NUP205: variants seen among roughly 807,000 people sequenced by gnomAD.
NUP205 encodes nucleoporin 205.
NUP205 carries 76 observed loss-of-function variants against 253.8 expected under a neutral mutation model. The observed-to-expected ratio is 0.30, with a 90% CI of 0.25 to 0.36. The LOEUF (loss-of-function observed/expected upper bound fraction) is 0.36, where lower values mean the gene tolerates loss of function less well. Among genes scored for constraint, NUP205 ranks in the 10% least tolerant of loss-of-function variants. The pLI is 1.00. For missense variants in NUP205, 2,162 were observed against 2,425.5 expected, an observed-to-expected ratio of 0.89 and a Z score of 2.28; for synonymous variants, 832 against 850.1, an observed-to-expected ratio of 0.98 and a Z score of 0.37.
rs1390620343 is a variant in NUP205 at position 135,576,396 on chromosome 7, C to G, written c.470C>G (p.Thr157Arg). The part of the protein sequence containing the change: ...KALIQSRRGK[T>R]WTLELSPELA... ...TTGATACAGTCTAGACGGGGAAAGA[C>G]ATGGACCCTAGAACTCAGGTCTTTT... is the stretch of plus-strand genomic sequence containing the variant. Residue 157 changes from threonine to arginine, a missense_variant, in exon 4 of 43, where the codon ACA becomes AGA. By Grantham distance (71) the Thr-to-Arg change is moderately conservative. Transcript: ENST00000285968. The G allele has an allele frequency of 2.5e-6, 4 of 1,613,050 alleles. No homozygotes were observed. Among genetic ancestry groups the G allele is most frequent in the Non-Finnish European group, 2.5e-6 (3 of 1,179,568 alleles).
intron 1 of NUP205, among the ~76,000 whole-genome samples, chr7:135,566,779 C>T (rs1204808560): frequency 6.6e-6 from 1 of 151,868 alleles, no homozygotes; most frequent in Admixed American, 6.6e-5. Flanking sequence ...GCTCTGTTGC[C>T]CAGGCTGAAG....
Position 135,573,703 on chromosome 7 carries a change from G to C in NUP205, c.221G>C (p.Gly74Ala). The C allele has an allele frequency of 4.3e-6, 7 of 1,614,002 alleles. No homozygotes were observed. The highest frequency in any genetic ancestry group is 5.9e-6 in the Non-Finnish European group (7 of 1,179,958). ...AAGGTTCAGAAAGCCAGTACAGAGG[G>C]AGTCGCCATTCAGGGTCAACAGGGA... Reference protein sequence around the residue: ...HEKVQKASTEGVAIQGQQGTR... With the variant: ...HEKVQKASTEAVAIQGQQGTR... The change falls in exon 3 of 43, where the codon GGA becomes GCA. Residue 74 changes from glycine to alanine, a missense_variant. Coordinates refer to ENST00000285968, the MANE Select transcript of NUP205 (RefSeq NM_015135.3).
At chr7:135,605,288 A>G (rs1317006416) in intron 19 of NUP205, among the ~76,000 whole-genome samples, 2 of 152,140 alleles carry the variant, frequency 1.3e-5, no homozygotes, top group Non-Finnish European at 2.9e-5. Flanking sequence ...AAGTGCTAGG[A>G]TTACAGGCCT....
rs1446258009 is a variant in NUP205, at chr7:135,597,407, A to G, written c.2053A>G (p.Ile685Val). The part of the protein sequence containing the change: ...TVRIPSQRQA[I>V]GIEVELNEIE... ...GAGGATTCCAAGCCAAAGGCAAGCTATTGGTATTGAGGTAAAGTTTTCCTT... is the reference window on the plus strand; with the variant it reads ...GAGGATTCCAAGCCAAAGGCAAGCTGTTGGTATTGAGGTAAAGTTTTCCTT... Residue 685 changes from isoleucine (I) to valine (V), a missense_variant, in exon 14 of 43, where the codon ATT becomes GTT. Physicochemically the swap from Ile to Val is conservative, Grantham distance 29 (BLOSUM62 3). This residue lies in a region of NUP205 where 892 missense variants were observed against 957.1 expected (regional missense o/e 0.93). Transcript: ENST00000285968. 5.6e-6 allele frequency: 9 copies of G among 1,607,532 alleles called. No individual in the cohort carries two copies. Among genetic ancestry groups the G allele is most frequent in the South Asian group, 4.4e-5 (4 of 90,954 alleles).
At chr7:135,566,946 C>T (rs1366790429) in intron 1 of NUP205, among the ~76,000 whole-genome samples, 1 of 151,080 alleles carries the variant, frequency 6.6e-6, no homozygotes, top group East Asian at 2.0e-4. Context: ...CCATATTGGC[C>T]AGGTGGCTGG....
intron 7 of NUP205, among the ~76,000 whole-genome samples, chr7:135,581,742 G>A (rs142356669): frequency 0.034 from 5,140 of 151,068 alleles, 118 homozygotes; most frequent in Middle Eastern, 0.1. Flanking sequence ...AATCCCAGCT[G>A]CTTGGGAGAC....
intron 23 of NUP205, among the ~76,000 whole-genome samples, chr7:135,615,402 AAAAT>A (rs1794334487): frequency 6.6e-6 from 1 of 152,190 alleles, no homozygotes; most frequent in Admixed American, 6.5e-5. Context: ...TCTACAATAA[AAAAT>A]AAATAAATAA....
At chr7:135,630,960 CTTA>C (rs1196099533) in intron 35 of NUP205, among the ~76,000 whole-genome samples, 2 of 150,674 alleles carry the variant, frequency 1.3e-5, no homozygotes, top group Admixed American at 6.6e-5. Context: ...AAGATATAGG[CTTA>C]TTATAAAAAT....
chr7:135,613,330 A>G (rs1250098661), intron 22 of NUP205, among the ~76,000 whole-genome samples: 2 of 151,580 alleles, frequency 1.3e-5, no homozygotes, highest in African/African-American at 4.8e-5. Flanking sequence ...CTTATATTTA[A>G]TATAAGAACT....
intron 20 of NUP205, 113 bp from the exon 21 acceptor site, chr7:135,606,638 A>C (rs536424509): frequency 1.9e-5 from 14 of 753,660 alleles, no homozygotes; most frequent in Middle Eastern, 3.7e-4. Context: ...ATAGATAATC[A>C]GGCAAACGAT....
intron 31 of NUP205, 152 bp from the exon 32 acceptor site, chr7:135,625,012 A>G: frequency 1.5e-6 from 1 of 670,294 alleles, no homozygotes; most frequent in South Asian, 2.1e-5. Flanking sequence ...TAACTTCTCA[A>G]AAAAAAATAA....
In NUP205 at chr7:135,592,916, A is replaced by G. The variant is rs117136012; in HGVS notation, c.1625-71A>G. On this transcript the variant is annotated intron_variant, in intron 11 of 42. Transcript: ENST00000285968. ...GAAAAAAGTATATTGTTTTAAATTAATTTTCTCTCCATTTCCCAGCAAATG... is the reference window on the plus strand; with the variant it reads ...GAAAAAAGTATATTGTTTTAAATTAGTTTTCTCTCCATTTCCCAGCAAATG... 0.021 allele frequency: 23,882 copies of G among 1,141,352 alleles called. 356 individuals are homozygous for G. The highest frequency in any genetic ancestry group is 0.026 in the Non-Finnish European group (20,300 of 771,452). The allele number at this position is 1,141,352 out of a possible 1,614,324, so 70.7% of individuals were successfully genotyped here. A position where few individuals can be genotyped will look rare whatever the true frequency, so the allele number is the denominator to read the frequency against.
At chr7:135,593,253 C>A in intron 12 of NUP205, 61 bp downstream of exon 12, 1 of 1,382,784 alleles carries the variant, frequency 7.2e-7, no homozygotes, top group Non-Finnish European at 1.0e-6. Context: ...ATTTTAAGAG[C>A]CCCAAACATT....
intron 1 of NUP205, among the ~76,000 whole-genome samples, chr7:135,569,779 A>G (rs1584637213): frequency 1.3e-5 from 2 of 151,998 alleles, no homozygotes; most frequent in African/African-American, 4.8e-5. Flanking sequence ...TTATAAAAGT[A>G]TTCTGTATTT....
chr7:135,609,082 C>T (rs528257346), intron 22 of NUP205, among the ~76,000 whole-genome samples: 2 of 93,212 alleles, frequency 2.1e-5, no homozygotes, highest in East Asian at 5.8e-4. Flanking sequence ...CCAGCCTGGG[C>T]AACAAGAGCA....
rs1390669765 is a variant in NUP205 at position 135,627,955 on chromosome 7, T to C, written c.4794-18T>C. 1 of 1,612,254 alleles carries C rather than the reference T, an allele frequency of 6.2e-7. No individual in the cohort carries two copies. Among genetic ancestry groups the C allele is most frequent in the South Asian group, 1.1e-5 (1 of 90,944 alleles). Reference sequence around the variant, plus strand: ...CCTTAATTCTTGGAATGTTTTCTCCTTGTTTGGTTGAAATAAGCATGTTTG... The same window carrying C: ...CCTTAATTCTTGGAATGTTTTCTCCCTGTTTGGTTGAAATAAGCATGTTTG... On this transcript the variant is annotated intron_variant, in intron 33 of 42. Transcript: ENST00000285968.
Position 135,601,488 on chromosome 7 carries a change from C to T in NUP205, c.2493C>T (p.Asp831=). 6.2e-7 allele frequency: 1 copy of T among 1,613,492 alleles called. No homozygotes were observed. Among genetic ancestry groups the T allele is most frequent in the Non-Finnish European group, 8.5e-7 (1 of 1,179,760 alleles). ...SLLEEGVKQL[D]TYAPFPGKKH... is the part of the protein sequence containing the mutation. ...TGGAAGAAGGAGTTAAGCAGCTTGA[C>T]ACCTATGCCCCCTTTCCTGGTATAT... is the stretch of plus-strand genomic sequence containing the variant. Residue 831 remains aspartate, a synonymous_variant, in exon 17 of 43, where the codon GAC becomes GAT. Transcript: ENST00000285968.
At position 135,615,927 on chromosome 7, in the gene NUP205, T is replaced by A; in HGVS notation, c.3322T>A (p.Ser1108Thr). The change falls in exon 24 of 43, where the codon TCT becomes ACT. Residue 1108 changes from serine (S) to threonine (T), a missense_variant. Transcript: ENST00000285968. Reference protein sequence around the residue: ...LPFSNKEYEISMLNQMSWLMK... With the variant: ...LPFSNKEYEITMLNQMSWLMK... Reference sequence around the variant, plus strand: ...TGTTTAAATTCTAGAATATGAAATATCTATGCTGAACCAGATGTCATGGCT... The same window carrying A: ...TGTTTAAATTCTAGAATATGAAATAACTATGCTGAACCAGATGTCATGGCT... 1.2e-6 allele frequency: 2 copies of A among 1,609,538 alleles called. No homozygotes were observed. The highest frequency in any genetic ancestry group is 1.7e-6 in the Non-Finnish European group (2 of 1,178,044).
At chr7:135,610,618 C>A (rs948986578) in intron 22 of NUP205, among the ~76,000 whole-genome samples, 1 of 152,168 alleles carries the variant, frequency 6.6e-6, no homozygotes, top group Non-Finnish European at 1.5e-5. Context: ...ATCTGAGGCC[C>A]CACTTTAGAC....
Sources: gnomAD v4.1 joint callset for allele counts (sites outside exome capture counted in the v4.1 genomes callset) on GRCh38, gnomAD v4.1.1 for gene constraint, gnomAD v4.1.1 regional missense constraint, MANE v1.5 for transcripts, NCBI Gene and HGNC (gene_info 2026-07-23, HGNC 2026-07-21) for gene names.